The following PBRM1 variants were observed in gnomAD, a reference collection of about 807,000 sequenced individuals.
PBRM1 encodes polybromo 1.
In PBRM1, 27 loss-of-function variants were observed where a neutral mutation model predicts 194.5. The ratio of observed to expected loss-of-function variants is 0.14; its 90% CI spans 0.10 to 0.19. PBRM1 has a LOEUF of 0.19. Among genes scored for constraint, PBRM1 ranks in the 10% least tolerant of loss-of-function variants. The probability of loss-of-function intolerance (pLI) is 1.00; values close to 1 mark genes in which losing one functional copy is unlikely to be tolerated. For missense variants in PBRM1, 1,466 were observed against 2,077.2 expected, an observed-to-expected ratio of 0.71 and a Z score of 5.72; for synonymous variants, 655 against 693.2, an observed-to-expected ratio of 0.94 and a Z score of 0.87.
chr3:52,565,687 TA>T (rs1429811203), intron 22 of PBRM1, among the ~76,000 whole-genome samples: 1 of 151,856 alleles, frequency 6.6e-6, no homozygotes, highest in Non-Finnish European at 1.5e-5. Flanking sequence ...ATAACCCAAT[TA>T]AAAAATGTGC....
chr3:52,552,718 A>C (rs1355900695), intron 27 of PBRM1, among the ~76,000 whole-genome samples: 1 of 152,206 alleles, frequency 6.6e-6, no homozygotes, highest in Admixed American at 6.5e-5. Context: ...GGCATTAGAC[A>C]TGGATCCCAC....
At chr3:52,675,565 G>A (rs1463571015) in intron 2 of PBRM1, among the ~76,000 whole-genome samples, 1 of 152,188 alleles carries the variant, frequency 6.6e-6, no homozygotes, top group Non-Finnish European at 1.5e-5. Context: ...TGGTGAAAGT[G>A]GGCATCTCTG....
intron 7 of PBRM1, among the ~76,000 whole-genome samples, chr3:52,647,348 A>G (rs1442311425): frequency 6.8e-6 from 1 of 148,054 alleles, no homozygotes; most frequent in South Asian, 2.2e-4. Flanking sequence ...TTTGGAAAAC[A>G]GTTTGGCGGT....
intron 16 of PBRM1, among the ~76,000 whole-genome samples, chr3:52,605,603 C>CT (rs752235047): frequency 0.057 from 7,718 of 134,974 alleles, 398 homozygotes; most frequent in African/African-American, 0.14. Flanking sequence ...CGGAAAGTCT[C>CT]TTTTTTTTTT....
At chr3:52,669,094 G>A (rs1321633159) in intron 2 of PBRM1, among the ~76,000 whole-genome samples, 1 of 152,104 alleles carries the variant, frequency 6.6e-6, no homozygotes, top group Non-Finnish European at 1.5e-5. Flanking sequence ...AATTTTTTCT[G>A]CCAAGTACTA....
intron 1 of PBRM1, among the ~76,000 whole-genome samples, chr3:52,678,799 A>G (rs2097156082): frequency 6.6e-6 from 1 of 152,218 alleles, no homozygotes; most frequent in Non-Finnish European, 1.5e-5. Context: ...ACTTTTTGGT[A>G]TCTTTCATCA....
At chr3:52,583,605 G>A (rs947177050) in intron 20 of PBRM1, among the ~76,000 whole-genome samples, 1 of 151,792 alleles carries the variant, frequency 6.6e-6, no homozygotes, top group African/African-American at 2.4e-5. Flanking sequence ...CATTTTTGTA[G>A]TCCTACTTTC....
exon 30 of PBRM1, chr3:52,548,174 C>T (rs2153310514): frequency 6.2e-7 from 1 of 1,610,874 alleles, no homozygotes; most frequent in African/African-American, 1.3e-5. Flanking sequence ...CTTTGCTTTT[C>T]AGCCAGTGAG....
intron 16 of PBRM1, among the ~76,000 whole-genome samples, chr3:52,604,695 T>TA (rs762706555): frequency 2.7e-3 from 385 of 143,648 alleles, no homozygotes; most frequent in African/African-American, 4.9e-3. Flanking sequence ...CCCTGTCTGT[T>TA]AAAAAAAAAA....
chr3:52,570,310 G>T (rs898176645), intron 22 of PBRM1, among the ~76,000 whole-genome samples: 1 of 152,084 alleles, frequency 6.6e-6, no homozygotes, highest in Non-Finnish European at 1.5e-5. Flanking sequence ...ACCTTAACAG[G>T]AATGTTCATA....
At chr3:52,583,990 G>A (rs1389570686) in intron 20 of PBRM1, among the ~76,000 whole-genome samples, 3 of 151,950 alleles carry the variant, frequency 2.0e-5, no homozygotes, top group Non-Finnish European at 4.4e-5. Flanking sequence ...TAATACATCT[G>A]GCAGGGCAAA....
At chr3:52,595,640 T>A (rs1172775620) in intron 17 of PBRM1, among the ~76,000 whole-genome samples, 1 of 152,230 alleles carries the variant, frequency 6.6e-6, no homozygotes, top group African/African-American at 2.4e-5. Context: ...CCCCTCACTT[T>A]GTTTCCTCTG....
chr3:52,598,184 G>A (rs906799639), intron 17 of PBRM1, among the ~76,000 whole-genome samples: 2 of 152,088 alleles, frequency 1.3e-5, no homozygotes, highest in Non-Finnish European at 2.9e-5. Context: ...TTTAATAATT[G>A]TAGTAAAACA....
intron 13 of PBRM1, among the ~76,000 whole-genome samples, chr3:52,623,022 G>A (rs566972708): frequency 6.6e-6 from 1 of 152,256 alleles, no homozygotes; most frequent in Non-Finnish European, 1.5e-5. Context: ...TAAAAACTGA[G>A]GCTTAGAGAC....
chr3:52,627,138 A>C (rs940611078), intron 13 of PBRM1, 135 bp downstream of exon 14: 11 of 506,860 alleles, frequency 2.2e-5, no homozygotes, highest in African/African-American at 1.9e-4. Flanking sequence ...ATTGCAAATG[A>C]ATTTTAAAAG....
At chr3:52,602,477 T>C (rs2094072032) in intron 17 of PBRM1, among the ~76,000 whole-genome samples, 1 of 152,234 alleles carries the variant, frequency 6.6e-6, no homozygotes, top group Admixed American at 6.5e-5. Flanking sequence ...CTTTTGCATC[T>C]TCCCCCACAG....
At chr3:52,645,684 C>T (rs1313076062) in intron 7 of PBRM1, among the ~76,000 whole-genome samples, 1 of 151,486 alleles carries the variant, frequency 6.6e-6, no homozygotes. Context: ...AGCTGATAAC[C>T]GAGATGGCTA....
intron 16 of PBRM1, among the ~76,000 whole-genome samples, chr3:52,604,958 A>ACAAT (rs2094249923): frequency 6.9e-6 from 1 of 145,672 alleles, no homozygotes; most frequent in Non-Finnish European, 1.5e-5. Context: ...ACTCTGTCCC[A>ACAAT]AAATAAATAA....
intron 6 of PBRM1, among the ~76,000 whole-genome samples, chr3:52,649,581 C>T (rs1204890231): frequency 1.3e-5 from 2 of 152,220 alleles, no homozygotes; most frequent in Admixed American, 6.5e-5. Context: ...TTCTTCTCAA[C>T]ATTTCTATGA....
Sources: gnomAD v4.1 joint callset for allele counts (sites outside exome capture counted in the v4.1 genomes callset) on GRCh38, gnomAD v4.1.1 for gene constraint, MANE v1.5 for transcripts, NCBI Gene and HGNC (gene_info 2026-07-23, HGNC 2026-07-21) for gene names.